The following JAG1 variants were observed in gnomAD, a reference collection of about 807,000 sequenced individuals.
JAG1 encodes protein jagged-1.
JAG1 carries 23 observed loss-of-function variants against 148.7 expected under a neutral mutation model. The observed-to-expected ratio is 0.15, with a 90% CI of 0.11 to 0.22. The LOEUF (loss-of-function observed/expected upper bound fraction) is 0.22, where lower values mean the gene tolerates loss of function less well. Among genes scored for constraint, JAG1 ranks in the 10% least tolerant of loss-of-function variants. JAG1 has a pLI of 1.00. For missense variants in JAG1, 1,054 were observed against 1,611.2 expected, an observed-to-expected ratio of 0.65 and a Z score of 5.92; for synonymous variants, 572 against 598.3, an observed-to-expected ratio of 0.96 and a Z score of 0.64.
chr20:10,649,226 C>A, intron 10 of JAG1, 119 bp from the exon 11 acceptor site: 2 of 760,934 alleles, frequency 2.6e-6, no homozygotes, highest in South Asian at 1.6e-5. Flanking sequence ...GTGTGCTTTC[C>A]GTGAGATAAG....
chr20:10,659,559 C>CATTTTTTTTTT (rs2067401802), intron 3 of JAG1, among the ~76,000 whole-genome samples: 1 of 105,138 alleles, frequency 9.5e-6, no homozygotes, highest in African/African-American at 3.7e-5. Flanking sequence ...GATTAAGTTA[C>CATTTTTTTTTT]TTTTTTTTTT....
At chr20:10,652,362 T>C (rs1037645214) in intron 6 of JAG1, 106 bp downstream of exon 6, 31 of 1,596,948 alleles carry the variant, frequency 1.9e-5, no homozygotes, top group Non-Finnish European at 2.6e-5. Context: ...CCACACAGCA[T>C]TCAAGGAGAA....
chr20:10,649,689 C>T (rs534472359), intron 9 of JAG1, 54 bp from the exon 10 acceptor site: 6 of 1,020,538 alleles, frequency 5.9e-6, no homozygotes, highest in Admixed American at 1.8e-5. Context: ...CCATCTCCCC[C>T]ACCTTGGAAA....
At position 10,649,081 on chromosome 20, in the gene JAG1, G is replaced by T. The variant is rs1289016419; in HGVS notation, c.1375C>A (p.Gln459Lys). Reference sequence around the variant, plus strand: ...CATACCCGACAGGAGGCGTCATTCTGACACTGGCCAAGGCAGTCATTAATA... The same window carrying T: ...CATACCCGACAGGAGGCGTCATTCTTACACTGGCCAAGGCAGTCATTAATA... The part of the protein sequence containing the change: ...ININDCLGQC[Q>K]NDASCRDLVN... The change falls in exon 11 of 26, where the codon CAG becomes AAG. Residue 459 changes from glutamine to lysine, a missense_variant. Around this residue, in one of 6 missense-constraint regions of JAG1, gnomAD observed 245 missense variants for 373.1 expected, o/e 0.66. Transcript: ENST00000254958. The T allele has an allele frequency of 1.2e-6, 2 of 1,610,308 alleles. No individual in the cohort carries two copies. Among genetic ancestry groups the T allele is most frequent in the Non-Finnish European group, 1.7e-6 (2 of 1,176,564 alleles).
intron 2 of JAG1, among the ~76,000 whole-genome samples, chr20:10,671,859 G>GA (rs1568806533): frequency 1.3e-5 from 2 of 151,920 alleles, no homozygotes; most frequent in Non-Finnish European, 2.9e-5. Context: ...GGGGCGGGGG[G>GA]ATGAGGGCCT....
At chr20:10,661,525 T>C (rs555826077) in intron 3 of JAG1, among the ~76,000 whole-genome samples, 3 of 152,254 alleles carry the variant, frequency 2.0e-5, no homozygotes, top group Admixed American at 1.3e-4. Flanking sequence ...TGCTAGGGTA[T>C]GGCCAGGCTA....
At chr20:10,651,419 C>T (rs2067345521) in intron 8 of JAG1, 162 bp downstream of exon 8, 1 of 609,672 alleles carries the variant, frequency 1.6e-6, no homozygotes, top group Admixed American at 2.7e-5. Context: ...TGCTGGGAGA[C>T]TTCCAAACAC....
chr20:10,671,938 G>A (rs1424891597), intron 2 of JAG1, among the ~76,000 whole-genome samples: 2 of 152,092 alleles, frequency 1.3e-5, no homozygotes, highest in East Asian at 3.9e-4. Flanking sequence ...GCCCCCGAAG[G>A]CTTGCGGGGG....
At position 10,672,823 on chromosome 20, in the gene JAG1, C is replaced by G. The variant is rs199545881; in HGVS notation, c.265G>C (p.Gly89Arg). ...CCTGAGCCGAAGCTGCAGGGCCCCC[C>G]GGCCGTGACGCGGGACTGATACTCC... Reference protein sequence around the residue: ...LKEYQSRVTAGGPCSFGSGST... With the variant: ...LKEYQSRVTARGPCSFGSGST... Residue 89 changes from glycine to arginine, a missense_variant, in exon 2 of 26, where the codon GGG becomes CGG. Physicochemically the swap from Gly to Arg is moderately radical, Grantham distance 125. Transcript: ENST00000254958. 5 of 1,613,212 alleles carry G rather than the reference C, an allele frequency of 3.1e-6. No individual in the cohort carries two copies. In the Admixed American group the frequency reaches 8.3e-5, roughly 27 times the overall value.
chr20:10,648,458 AC>A, intron 12 of JAG1, 90 bp downstream of exon 12: 1 of 1,089,076 alleles, frequency 9.2e-7, no homozygotes, highest in Non-Finnish European at 1.4e-6. Context: ...GAAATTCCAG[AC>A]ACAAGAGCTG....
chr20:10,640,053 T>TTA (rs1471269382), intron 25 of JAG1, 98 bp from the exon 26 acceptor site: 1 of 973,658 alleles, frequency 1.0e-6, no homozygotes, highest in Non-Finnish European at 1.6e-6. Flanking sequence ...CTCCTGCCCT[T>TTA]TATCCCTAAG....
rs2067302409 is a variant in JAG1, at chr20:10,645,475, A to T, written c.2000-6T>A. 1 of 1,608,698 alleles carries T rather than the reference A, an allele frequency of 6.2e-7. No individual in the cohort carries two copies. The highest frequency in any genetic ancestry group is 8.5e-7 in the Non-Finnish European group (1 of 1,175,260). On this transcript the variant is annotated splice_region_variant and splice_polypyrimidine_tract_variant and intron_variant, in intron 15 of 25. Transcript: ENST00000254958. This position sits in a 1 kb window ranked among gnomAD's most constrained non-coding sequence, Gnocchi z 6.1. The stretch of plus-strand genomic sequence containing the variant: ...CTGGCTGCAGTCATTAATATCTAGA[A>T]TCAAAGGGGAGACAATCGGCTGAAG...
At chr20:10,663,900 T>C (rs2067433896) in intron 3 of JAG1, 63 bp downstream of exon 3, 16 of 1,304,652 alleles carry the variant, frequency 1.2e-5, no homozygotes. Context: ...CAGCTCCAAC[T>C]GGTTGGCCAA....
chr20:10,646,544 T>C (rs1262811763), intron 14 of JAG1, among the ~76,000 whole-genome samples: 1 of 151,850 alleles, frequency 6.6e-6, no homozygotes, highest in Non-Finnish European at 1.5e-5. Context: ...GGCTCACACC[T>C]GTAATCCCAG....
At chr20:10,650,081 C>T (rs553662332) in intron 9 of JAG1, among the ~76,000 whole-genome samples, 166 bp downstream of exon 9, 4 of 152,346 alleles carry the variant, frequency 2.6e-5, no homozygotes, top group African/African-American at 7.2e-5. Flanking sequence ...AGTCCATTTG[C>T]ATTCAAGTTA....
Position 10,651,753 on chromosome 20 carries a change from C to A in JAG1, c.1007-59G>T. ...GCCTGCACACCGTTACCTCCCCACA[C>A]CCCCCTCCAACCGAATCCCACACCA... On this transcript the variant is annotated intron_variant, in intron 7 of 25. Transcript: ENST00000254958. The A allele has an allele frequency of 3.7e-6, 4 of 1,079,718 alleles. 1 individual carries two copies. In the South Asian group the frequency reaches 5.2e-5, roughly 14 times the overall value. The allele number at this position is 1,079,718 out of a possible 1,614,324, so 66.9% of individuals were successfully genotyped here.
intron 4 of JAG1, among the ~76,000 whole-genome samples, chr20:10,656,872 TAAAAAAA>T (rs33952645): frequency 8.8e-6 from 1 of 113,370 alleles, no homozygotes; most frequent in African/African-American, 3.2e-5. Flanking sequence ...CCTCAGCCTT[TAAAAAAA>T]AAAAAAAAAA....
At chr20:10,643,043 A>C (rs1210669544) in intron 20 of JAG1, among the ~76,000 whole-genome samples, 1 of 152,264 alleles carries the variant, frequency 6.6e-6, no homozygotes, top group African/African-American at 2.4e-5. Context: ...ATTTATAAAA[A>C]CAGACAGTGG....
In JAG1 at chr20:10,673,378, G is replaced by T. The variant is rs1032816449; in HGVS notation, c.81+72C>A. On this transcript the variant is annotated intron_variant, in intron 1 of 25. Transcript: ENST00000254958. This position sits in a 1 kb window ranked among gnomAD's most constrained non-coding sequence, Gnocchi z 4.7. ...GAGGGCTGCCGAGCCTGCTCGCGGG[G>T]CTCAACCGCCCAGGGCGCCGCGAGG... 12 of 1,168,708 alleles carry T rather than the reference G, an allele frequency of 1.0e-5. No individual in the cohort carries two copies. In the African/African-American group the frequency reaches 1.9e-4, roughly 19 times the overall value. 72.4% of individuals were successfully genotyped at this position (1,168,708 alleles called of 1,614,324 possible).
Sources: gnomAD v4.1 joint callset for allele counts (sites outside exome capture counted in the v4.1 genomes callset) on GRCh38, gnomAD v4.1.1 for gene constraint, gnomAD v4.1.1 regional missense constraint, Gnocchi (gnomAD v3.1) non-coding constraint, MANE v1.5 for transcripts, NCBI Gene and HGNC (gene_info 2026-07-23, HGNC 2026-07-21) for gene names.